Variants in CEP63 observed in about 807,000 individuals in gnomAD.
CEP63 encodes centrosomal protein of 63 kDa.
CEP63 carries 84 observed loss-of-function variants against 89.1 expected under a neutral mutation model. That is an observed-to-expected ratio of 0.94 (90% CI 0.79 to 1.13). The LOEUF is 1.13. Ranked by LOEUF, CEP63 falls within the 50% of genes most tolerant of loss-of-function variation. CEP63 has a pLI of 0.00. For synonymous variants in CEP63, 267 were observed against 272.5 expected (o/e 0.98, Z 0.20); for missense variants, 838 against 813.3 (o/e 1.03, Z -0.37).
the CEP63 span, among the ~76,000 whole-genome samples, chr3:134,673,088 G>T: frequency 6.6e-6 from 1 of 152,144 alleles, no homozygotes; most frequent in Non-Finnish European, 1.5e-5. Context: ...CCTGAATGAG[G>T]TGGATCACAT....
the CEP63 span, among the ~76,000 whole-genome samples, chr3:134,711,963 A>G: frequency 6.6e-6 from 1 of 151,910 alleles, no homozygotes; most frequent in Non-Finnish European, 1.5e-5. Context: ...GGGTTTCTCC[A>G]TGTTGGTCTC....
the CEP63 span, among the ~76,000 whole-genome samples, chr3:134,743,901 C>A: frequency 6.6e-6 from 1 of 152,136 alleles, no homozygotes; most frequent in African/African-American, 2.4e-5. Context: ...CAATTTACAA[C>A]GTTGCCTCTC....
chr3:134,629,286 T>A, the CEP63 span: 1 of 278,684 alleles, frequency 3.6e-6, no homozygotes, highest in African/African-American at 2.1e-5. Flanking sequence ...AGTTAATAAA[T>A]GTTAAAGTAC....
At chr3:134,507,815 T>C (rs953091577) in intron 3 of CEP63, among the ~76,000 whole-genome samples, 3 of 152,176 alleles carry the variant, frequency 2.0e-5, no homozygotes, top group African/African-American at 2.4e-5. Context: ...CTCATTGATA[T>C]TGGTAATTTG....
intron 1 of CEP63, among the ~76,000 whole-genome samples, chr3:134,492,220 C>T (rs1286235901): frequency 2.0e-5 from 3 of 151,788 alleles, no homozygotes; most frequent in African/African-American, 7.3e-5. Flanking sequence ...ACTACAGGCG[C>T]GCGCCACCAT....
chr3:134,679,472 C>A, the CEP63 span, among the ~76,000 whole-genome samples: 24 of 152,192 alleles, frequency 1.6e-4, no homozygotes, highest in African/African-American at 5.8e-4. Flanking sequence ...AGCAGTCCAG[C>A]AGCACATCTC....
the CEP63 span, among the ~76,000 whole-genome samples, chr3:134,594,930 C>T: frequency 6.6e-6 from 1 of 152,170 alleles, no homozygotes. Context: ...ATGCATGTTG[C>T]GTGGAATCCT....
the CEP63 span, among the ~76,000 whole-genome samples, chr3:134,781,879 A>G: frequency 6.6e-6 from 1 of 151,892 alleles, no homozygotes; most frequent in South Asian, 2.1e-4. Flanking sequence ...TATATTTTTC[A>G]TCTCTCTTTT....
the CEP63 span, among the ~76,000 whole-genome samples, chr3:134,645,661 C>T: frequency 1.1e-4 from 16 of 152,308 alleles, no homozygotes; most frequent in South Asian, 2.3e-3. Flanking sequence ...GTGGTAGAAG[C>T]GTCATTTTTT....
the CEP63 span, among the ~76,000 whole-genome samples, chr3:134,695,094 C>G: frequency 2.6e-5 from 4 of 152,156 alleles, no homozygotes; most frequent in Non-Finnish European, 5.9e-5. Flanking sequence ...CCAAAAAGTT[C>G]CAGGTCAGCC....
chr3:134,782,477 G>C, the CEP63 span, among the ~76,000 whole-genome samples: 1 of 151,982 alleles, frequency 6.6e-6, no homozygotes, highest in Non-Finnish European at 1.5e-5. Flanking sequence ...ATTTTCTACT[G>C]TTTTAAAGTT....
chr3:134,704,695 G>T, the CEP63 span, among the ~76,000 whole-genome samples: 4 of 152,236 alleles, frequency 2.6e-5, no homozygotes, highest in Non-Finnish European at 5.9e-5. Flanking sequence ...ACTGGGCAGT[G>T]CACCTCTCTT....
the CEP63 span, among the ~76,000 whole-genome samples, chr3:134,630,928 G>C: frequency 6.6e-6 from 1 of 152,206 alleles, no homozygotes; most frequent in South Asian, 2.1e-4. Context: ...GGAGAAGTAA[G>C]TGAAGATTTT....
At chr3:134,683,970 G>A in the CEP63 span, among the ~76,000 whole-genome samples, 1 of 152,002 alleles carries the variant, frequency 6.6e-6, no homozygotes, top group Admixed American at 6.6e-5. Context: ...ATCTGGGTGG[G>A]GTCAGGCCCA....
At chr3:134,609,287 C>G in the CEP63 span, among the ~76,000 whole-genome samples, 1 of 152,198 alleles carries the variant, frequency 6.6e-6, no homozygotes, top group Non-Finnish European at 1.5e-5. Context: ...CCAGGGCCGA[C>G]TGGAGTGCTG....
At chr3:134,774,933 C>T in the CEP63 span, among the ~76,000 whole-genome samples, 36 of 152,132 alleles carry the variant, frequency 2.4e-4, no homozygotes, top group Admixed American at 1.4e-3. Flanking sequence ...TGGAGTGCTG[C>T]GGGGTTGATG....
chr3:134,710,332 G>A, the CEP63 span, among the ~76,000 whole-genome samples: 1 of 152,170 alleles, frequency 6.6e-6, no homozygotes, highest in East Asian at 1.9e-4. Flanking sequence ...AGTGTCATTT[G>A]TTAGAATGAA....
chr3:134,559,271 C>G lies in CEP63; in HGVS notation c.1795C>G (p.Leu599Val), dbSNP rs149315170. 1 of 1,614,080 alleles carries G rather than the reference C, an allele frequency of 6.2e-7. No homozygotes were observed. Among genetic ancestry groups the G allele is most frequent in the Admixed American group, 1.7e-5 (1 of 60,006 alleles). Reference sequence around the variant, plus strand: ...CCCCATGTCTAGGGTGCTAAGCCCCCTGAGTCCTCAAATCAGCCCTTGCAG... The same window carrying G: ...CCCCATGTCTAGGGTGCTAAGCCCCGTGAGTCCTCAAATCAGCCCTTGCAG... ...INPMSRVLSP[L>V]SPQISPCSST... The change falls in exon 14 of 15, where the codon CTG becomes GTG. Residue 599 changes from leucine to valine, a missense_variant. By Grantham distance (32) the Leu-to-Val change is conservative (BLOSUM62 1). Transcript: ENST00000675561.
the CEP63 span, chr3:134,608,130 A>G: frequency 8.8e-7 from 1 of 1,132,138 alleles, no homozygotes; most frequent in Non-Finnish European, 1.1e-6. Flanking sequence ...TGGTTGGACC[A>G]CCAACACCCA....
Sources: allele counts gnomAD v4.1 joint callset (sites outside exome capture counted in the v4.1 genomes callset), GRCh38; gene constraint gnomAD v4.1.1; transcripts MANE v1.5; gene names NCBI Gene and HGNC (gene_info 2026-07-23, HGNC 2026-07-21).